DCC: variants seen among roughly 807,000 people sequenced by gnomAD.
DCC encodes the protein netrin receptor DCC.
A neutral mutation model predicts 172.5 loss-of-function variants in DCC; 58 were observed. The observed-to-expected ratio is 0.34, with a 90% CI of 0.27 to 0.42. The LOEUF (loss-of-function observed/expected upper bound fraction) is 0.42, where lower values mean the gene tolerates loss of function less well. DCC is among the 10% of genes least tolerant of loss of function. The pLI is 1.00. For missense variants in DCC, 1,740 were observed against 1,791.0 expected, an observed-to-expected ratio of 0.97 and a Z score of 0.51; for synonymous variants, 709 against 644.5, an observed-to-expected ratio of 1.10 and a Z score of -1.52.
chr18:52,921,261 G>T (rs2040120776), intron 3 of DCC, among the ~76,000 whole-genome samples: 1 of 152,170 alleles, frequency 6.6e-6, no homozygotes, highest in African/African-American at 2.4e-5. Flanking sequence ...AGGAGAAACT[G>T]CATTGCAAGG....
intron 7 of DCC, among the ~76,000 whole-genome samples, chr18:53,142,018 C>T (rs753265325): frequency 7.2e-5 from 11 of 152,228 alleles, no homozygotes; most frequent in Non-Finnish European, 1.5e-4. Flanking sequence ...TCGCTTAGTC[C>T]ATGCCCTCTG....
intron 5 of DCC, among the ~76,000 whole-genome samples, chr18:52,985,039 A>G (rs139556642): frequency 0.014 from 2,128 of 152,238 alleles, 57 homozygotes; most frequent in African/African-American, 0.049. Context: ...AAGTGAAAAT[A>G]CATTTTTCTT....
chr18:53,148,920 G>C (rs1342237758), intron 7 of DCC, among the ~76,000 whole-genome samples: 1 of 142,030 alleles, frequency 7.0e-6, no homozygotes, highest in Admixed American at 7.4e-5. Flanking sequence ...CTGGAGTGCA[G>C]TGGCATGATC....
chr18:52,741,990 C>A (rs1332859568), intron 1 of DCC, among the ~76,000 whole-genome samples: 5 of 152,094 alleles, frequency 3.3e-5, no homozygotes, highest in African/African-American at 1.2e-4. Flanking sequence ...GATAGGATTA[C>A]CTTTCCTATA....
At chr18:53,421,219 G>A (rs1420192048) in intron 21 of DCC, among the ~76,000 whole-genome samples, 1 of 152,100 alleles carries the variant, frequency 6.6e-6, no homozygotes, top group Admixed American at 6.6e-5. Flanking sequence ...AGATGTCTTT[G>A]TATGAAAATC....
chr18:53,052,489 G>A (rs181200168), intron 5 of DCC, among the ~76,000 whole-genome samples: 11 of 152,028 alleles, frequency 7.2e-5, no homozygotes, highest in Middle Eastern at 3.4e-3. Flanking sequence ...TCATGTGGGA[G>A]TGGCACTGTC....
chr18:53,091,409 TA>T (rs1402576737), intron 7 of DCC, among the ~76,000 whole-genome samples: 2 of 148,752 alleles, frequency 1.3e-5, no homozygotes, highest in African/African-American at 4.9e-5. Flanking sequence ...TATATATGTA[TA>T]TATACACACA....
intron 7 of DCC, among the ~76,000 whole-genome samples, chr18:53,116,453 C>T (rs375083271): frequency 2.0e-5 from 3 of 151,660 alleles, no homozygotes; most frequent in Non-Finnish European, 3.0e-5. Context: ...CCTTATGTTC[C>T]GTGTCTCCAG....
intron 1 of DCC, among the ~76,000 whole-genome samples, chr18:52,701,652 C>G (rs12604358): frequency 0.016 from 2,391 of 152,286 alleles, 112 homozygotes; most frequent in Admixed American, 0.097. Context: ...TGAATGGTTG[C>G]TGTTCATGCT....
intron 19 of DCC, among the ~76,000 whole-genome samples, chr18:53,410,184 T>C (rs1205523365): frequency 6.6e-6 from 1 of 152,198 alleles, no homozygotes; most frequent in Non-Finnish European, 1.5e-5. Context: ...AATCAGGATT[T>C]ATAGGTAGCA....
At chr18:52,942,610 A>G (rs781196937) in intron 5 of DCC, among the ~76,000 whole-genome samples, 6 of 152,188 alleles carry the variant, frequency 3.9e-5, no homozygotes, top group East Asian at 1.9e-4. Flanking sequence ...GCAAAAGAGA[A>G]AGAGAGATGC....
At chr18:52,509,144 A>C (rs868458874) in intron 1 of DCC, among the ~76,000 whole-genome samples, 2 of 152,348 alleles carry the variant, frequency 1.3e-5, no homozygotes, top group South Asian at 2.1e-4. Flanking sequence ...AAATATTTCC[A>C]ATGAAAATTT....
At chr18:52,911,536 T>C (rs1009125640) in intron 3 of DCC, among the ~76,000 whole-genome samples, 3 of 151,866 alleles carry the variant, frequency 2.0e-5, no homozygotes, top group Admixed American at 2.0e-4. Flanking sequence ...TGATATTAAC[T>C]ACTTATTATA....
chr18:52,880,121 TATTC>T (rs2039461802), intron 2 of DCC, among the ~76,000 whole-genome samples: 1 of 150,586 alleles, frequency 6.6e-6, no homozygotes, highest in African/African-American at 2.4e-5. Flanking sequence ...TACTAGGTCT[TATTC>T]ATTCTTTTTT....
At chr18:52,374,504 C>CTA (rs111531316) in intron 1 of DCC, among the ~76,000 whole-genome samples, 1,712 of 147,430 alleles carry the variant, frequency 0.012, 13 homozygotes, top group African/African-American at 0.022. Context: ...GCTATAAATG[C>CTA]TATATATATA....
chr18:52,822,268 T>C (rs2145274747), intron 2 of DCC, among the ~76,000 whole-genome samples: 1 of 152,328 alleles, frequency 6.6e-6, no homozygotes, highest in African/African-American at 2.4e-5. Flanking sequence ...GCAATACCAC[T>C]GAAATGCAGT....
At chr18:52,579,068 C>T (rs182945575) in intron 1 of DCC, among the ~76,000 whole-genome samples, 1 of 152,292 alleles carries the variant, frequency 6.6e-6, no homozygotes, top group Admixed American at 6.5e-5. Context: ...TCAAATTATC[C>T]TATAATATGT....
chr18:53,301,803 TCTC>T (rs1355487970), intron 12 of DCC, among the ~76,000 whole-genome samples: 3 of 152,174 alleles, frequency 2.0e-5, no homozygotes, highest in Non-Finnish European at 4.4e-5. Flanking sequence ...TACTGCTGCT[TCTC>T]CTCCTCTTCC....
intron 5 of DCC, among the ~76,000 whole-genome samples, chr18:53,059,067 T>C (rs370632000): frequency 6.6e-6 from 1 of 152,068 alleles, no homozygotes; most frequent in East Asian, 1.9e-4. Context: ...AACATGTCTT[T>C]GTTCACATGG....
Sources: gnomAD v4.1 joint callset for allele counts (sites outside exome capture counted in the v4.1 genomes callset) on GRCh38, gnomAD v4.1.1 for gene constraint, MANE v1.5 for transcripts, NCBI Gene and HGNC (gene_info 2026-07-23, HGNC 2026-07-21) for gene names.